Variants in TRIP12 observed in about 807,000 individuals in gnomAD.
TRIP12 encodes the protein thyroid hormone receptor interactor 12.
In TRIP12, 25 loss-of-function variants were observed where a neutral mutation model predicts 244.2. The observed-to-expected ratio is 0.10, with a 90% CI of 0.07 to 0.14. The LOEUF is 0.14. Among genes scored for constraint, TRIP12 ranks in the 10% least tolerant of loss-of-function variants. The probability of loss-of-function intolerance (pLI) is 1.00; values close to 1 mark genes in which losing one functional copy is unlikely to be tolerated. For synonymous variants in TRIP12, 905 were observed against 873.1 expected, an observed-to-expected ratio of 1.04 and a Z score of -0.64; for missense variants, 1,677 against 2,486.4, an observed-to-expected ratio of 0.67 and a Z score of 6.92.
intron 2 of TRIP12, among the ~76,000 whole-genome samples, chr2:229,878,164 C>A (rs1185678001): frequency 6.6e-6 from 1 of 152,150 alleles, no homozygotes; most frequent in African/African-American, 2.4e-5. Context: ...AGAAATCACA[C>A]ACAAAGGCTG....
intron 1 of TRIP12, among the ~76,000 whole-genome samples, chr2:229,890,070 G>A (rs1324305207): frequency 2.1e-5 from 3 of 140,840 alleles, no homozygotes; most frequent in Non-Finnish European, 4.5e-5. Flanking sequence ...TGACATCACA[G>A]AGGTTAACTC....
chr2:229,767,552 G>C lies in TRIP12; in HGVS notation c.*2C>G, dbSNP rs6687. 1 of 1,603,668 alleles carries C rather than the reference G, an allele frequency of 6.2e-7. No individual in the cohort carries two copies. Among genetic ancestry groups the C allele is most frequent in the South Asian group, 1.1e-5 (1 of 89,072 alleles). ...AGGCAGACACTGCATTTCTTGCTATGATCAGGAAAGATGGAACGACTGCTG... is the reference window on the plus strand; with the variant it reads ...AGGCAGACACTGCATTTCTTGCTATCATCAGGAAAGATGGAACGACTGCTG... On this transcript the variant is annotated 3_prime_UTR_variant, in exon 42 of 42. Transcript: ENST00000675903.
chr2:229,863,302 A>C (rs1256324638), intron 2 of TRIP12, among the ~76,000 whole-genome samples: 2 of 152,144 alleles, frequency 1.3e-5, no homozygotes, highest in African/African-American at 4.8e-5. Context: ...AATTATTTTA[A>C]AGTGTGATAT....
chr2:229,848,333 CCA>C (rs1491065703), intron 4 of TRIP12, among the ~76,000 whole-genome samples: 4 of 137,718 alleles, frequency 2.9e-5, no homozygotes, highest in African/African-American at 7.9e-5. Flanking sequence ...CCCGCCCCCC[CCA>C]CACACACAAA....
In TRIP12 at chr2:229,778,506, T is replaced by C; in HGVS notation, c.5291A>G (p.His1764Arg). ...LPFGRTAKPA[H>R]IAKVKMKFRF... ...AAACTTCATCTTAACCTTTGCGATATGAGCTGGCTTTGCTGTCCTACCAAA... is the reference window on the plus strand; with the variant it reads ...AAACTTCATCTTAACCTTTGCGATACGAGCTGGCTTTGCTGTCCTACCAAA... The change falls in exon 36 of 42, where the codon CAT becomes CGT. Residue 1764 changes from histidine (H) to arginine (R), a missense_variant. Around this residue, in one of 11 missense-constraint regions of TRIP12, gnomAD observed 171 missense variants for 388.4 expected, o/e 0.44. Coordinates refer to ENST00000675903, the MANE Select transcript of TRIP12 (RefSeq NM_001348323.3). The surrounding 1 kb of genome is among the most constrained non-coding windows in gnomAD (Gnocchi z 4.1). The C allele has an allele frequency of 6.2e-7, 1 of 1,614,070 alleles. No homozygotes were observed. Among genetic ancestry groups the C allele is most frequent in the Non-Finnish European group, 8.5e-7 (1 of 1,179,932 alleles).
chr2:229,774,033 G>C, intron 38 of TRIP12, 64 bp downstream of exon 38: 1 of 1,543,794 alleles, frequency 6.5e-7, no homozygotes, highest in Non-Finnish European at 8.8e-7. Flanking sequence ...CAGAAGCAAG[G>C]TACAATCAGG....
intron 1 of TRIP12, among the ~76,000 whole-genome samples, chr2:229,890,080 C>CTT (rs11303479): frequency 9.2e-5 from 12 of 130,142 alleles, no homozygotes; most frequent in African/African-American, 3.2e-4. Context: ...GAGGTTAACT[C>CTT]TTTTTTTTTT....
At chr2:229,878,943 G>A (rs920680828) in intron 2 of TRIP12, among the ~76,000 whole-genome samples, 1 of 151,142 alleles carries the variant, frequency 6.6e-6, no homozygotes, top group Admixed American at 6.6e-5. Context: ...GCAAACTGCT[G>A]TATGAGATAA....
rs528945387 is a variant in TRIP12, at chr2:229,854,584, G to T, written c.1027+4188C>A. ...ACAGTTACCAACTGAAAAAATGGCA[G>T]AACTAAGATTTGAATCCAACATTTT... On this transcript the variant is annotated intron_variant, in intron 4 of 41. Transcript: ENST00000675903. 3.0e-4 allele frequency among the ~76,000 whole-genome samples: 46 copies of T among 152,264 alleles called. 1 individual carries two copies. Among genetic ancestry groups the T allele is most frequent in the African/African-American group, 1.0e-3 (42 of 41,550 alleles).
chr2:229,814,699 A>G (rs1320324485), intron 11 of TRIP12, among the ~76,000 whole-genome samples: 1 of 152,232 alleles, frequency 6.6e-6, no homozygotes, highest in Non-Finnish European at 1.5e-5. Context: ...TTAAACAAAC[A>G]AAAAGGTCCG....
intron 8 of TRIP12, among the ~76,000 whole-genome samples, chr2:229,822,958 C>T (rs1198332300): frequency 6.6e-6 from 1 of 151,950 alleles, no homozygotes; most frequent in Non-Finnish European, 1.5e-5. Flanking sequence ...TTGAAGACAG[C>T]AGAAAAAAGA....
chr2:229,776,130 C>A (rs1574803531), intron 37 of TRIP12, among the ~76,000 whole-genome samples: 1 of 152,158 alleles, frequency 6.6e-6, no homozygotes, highest in African/African-American at 2.4e-5. Flanking sequence ...GTTGCTCAAT[C>A]TGTCTGCCCT....
chr2:229,825,852 G>A (rs898715063), intron 8 of TRIP12, among the ~76,000 whole-genome samples: 1 of 152,130 alleles, frequency 6.6e-6, no homozygotes, highest in Non-Finnish European at 1.5e-5. Context: ...TAAGGTTATG[G>A]CCAAAAGATT....
intron 4 of TRIP12, among the ~76,000 whole-genome samples, chr2:229,844,894 C>T (rs1219766117): frequency 6.6e-6 from 1 of 152,164 alleles, no homozygotes; most frequent in African/African-American, 2.4e-5. Flanking sequence ...TTAAAGTTCT[C>T]TGGAGAGCTA....
chr2:229,905,519 G>T (rs542018422), intron 1 of TRIP12, among the ~76,000 whole-genome samples: 2 of 150,234 alleles, frequency 1.3e-5, no homozygotes, highest in African/African-American at 2.4e-5. Context: ...TCTTAAAACA[G>T]TTTTCAGACA....
rs979456838 is a variant in TRIP12, at chr2:229,846,035, G to C, written c.1028-5108C>G. Among the ~76,000 whole-genome samples the C allele has an allele frequency of 4.7e-5, 7 of 149,496 alleles. No individual in the cohort carries two copies. In the South Asian group the frequency reaches 6.4e-4, roughly 14 times the overall value. On this transcript the variant is annotated intron_variant, in intron 4 of 41. Coordinates refer to ENST00000675903, the MANE Select transcript of TRIP12 (RefSeq NM_001348323.3). ...TTTTCAAAAAAAAAAAAAAAAAGGT[G>C]GGGGGGGCAGGTAGTTTTTGTCTTG... is the stretch of plus-strand genomic sequence containing the variant.
chr2:229,904,749 G>A (rs113495296), intron 1 of TRIP12, among the ~76,000 whole-genome samples: 4 of 152,166 alleles, frequency 2.6e-5, no homozygotes, highest in East Asian at 1.9e-4. Flanking sequence ...AAAGTCATTC[G>A]CTACATGTTA....
At chr2:229,769,505 T>C (rs1016072498) in intron 39 of TRIP12, among the ~76,000 whole-genome samples, 180 bp from the exon 40 acceptor site, 3 of 151,768 alleles carry the variant, frequency 2.0e-5, no homozygotes, top group East Asian at 1.9e-4. Context: ...AGAGATTCCA[T>C]TTCCTTTTTA....
At chr2:229,795,354 G>C (rs1437029248) in intron 25 of TRIP12, 24 bp from the exon 26 acceptor site, 2 of 1,592,092 alleles carry the variant, frequency 1.3e-6, no homozygotes, top group African/African-American at 2.7e-5. Context: ...TAAACAAACA[G>C]GTTAAACAAA....
Sources: gnomAD v4.1 joint callset for allele counts (sites outside exome capture counted in the v4.1 genomes callset) on GRCh38, gnomAD v4.1.1 for gene constraint, gnomAD v4.1.1 regional missense constraint, Gnocchi (gnomAD v3.1) non-coding constraint, MANE v1.5 for transcripts, NCBI Gene and HGNC (gene_info 2026-07-23, HGNC 2026-07-21) for gene names.